The following ANXA11 variants were observed in gnomAD, a reference collection of about 807,000 sequenced individuals.
The protein encoded by ANXA11 is 56 kDa autoantigen.
In ANXA11, 57 loss-of-function variants were observed where a neutral mutation model predicts 64.7. The observed-to-expected ratio is 0.88, with a 90% CI of 0.71 to 1.10. The LOEUF is 1.10. Ranked by LOEUF, ANXA11 falls within the 50% of genes least tolerant of loss-of-function variation. The pLI is 0.00. For missense variants in ANXA11, 675 were observed against 670.7 expected, an observed-to-expected ratio of 1.01 and a Z score of -0.07; for synonymous variants, 260 against 265.2, an observed-to-expected ratio of 0.98 and a Z score of 0.19.
intron 15 of ANXA11, chr10:80,156,980 A>G (rs1845300900): frequency 1.0e-6 from 1 of 985,310 alleles, no homozygotes; most frequent in Admixed American, 6.1e-5. Context: ...GTTAGACCAC[A>G]CAGCTGAGAA....
intron 1 of ANXA11, among the ~76,000 whole-genome samples, chr10:80,177,560 A>G (rs1302105834): frequency 6.6e-6 from 1 of 152,112 alleles, no homozygotes; most frequent in Non-Finnish European, 1.5e-5. Flanking sequence ...TGGATGCAAT[A>G]AGCATGGCAT....
intron 1 of ANXA11, among the ~76,000 whole-genome samples, chr10:80,179,933 A>G (rs551898623): frequency 2.6e-5 from 4 of 152,268 alleles, no homozygotes; most frequent in South Asian, 4.1e-4. Flanking sequence ...ACATGGTGCC[A>G]TCCCTATTAA....
At chr10:80,182,500 C>G (rs896394646) in intron 1 of ANXA11, among the ~76,000 whole-genome samples, 1 of 152,032 alleles carries the variant, frequency 6.6e-6, no homozygotes, top group Non-Finnish European at 1.5e-5. Context: ...AATGTATATG[C>G]ATATGTGTTT....
chr10:80,179,202 C>T (rs1234327209), intron 1 of ANXA11, among the ~76,000 whole-genome samples: 2 of 152,092 alleles, frequency 1.3e-5, no homozygotes, highest in African/African-American at 2.4e-5. Context: ...GCCTCCTCCC[C>T]ACACCTCTCT....
chr10:80,179,858 G>A (rs932536611), intron 1 of ANXA11, among the ~76,000 whole-genome samples: 1 of 152,186 alleles, frequency 6.6e-6, no homozygotes, highest in Admixed American at 6.5e-5. Context: ...CGCCCCATAT[G>A]TAAGTCCCCT....
In ANXA11 at chr10:80,164,061, T is replaced by A; in HGVS notation, c.941A>T (p.Tyr314Phe). 6.2e-7 allele frequency: 1 copy of A among 1,613,976 alleles called. No individual in the cohort carries two copies. The highest frequency in any genetic ancestry group is 1.3e-5 in the African/African-American group (1 of 75,024). The change falls in exon 9 of 16, where the codon TAC becomes TTC. Residue 314 changes from tyrosine (Y) to phenylalanine (F), a missense_variant. Transcript: ENST00000422982. ...NEHIRELNRAYKAEFKKTLEE... is the reference protein window; with the variant it reads ...NEHIRELNRAFKAEFKKTLEE... Reference sequence around the variant, plus strand: ...AGAGGGAGCGGCCTCACCTGCTTTGTAGGCTCTGTTTAATTCTCGGATGTG... The same window carrying A: ...AGAGGGAGCGGCCTCACCTGCTTTGAAGGCTCTGTTTAATTCTCGGATGTG...
At chr10:80,175,823 G>C (rs1284834068) in intron 2 of ANXA11, among the ~76,000 whole-genome samples, 1 of 152,258 alleles carries the variant, frequency 6.6e-6, no homozygotes, top group African/African-American at 2.4e-5. Context: ...TTGGGAGGCC[G>C]AGGTGGGCAG....
At chr10:80,174,811 C>G (rs1405063106) in intron 2 of ANXA11, among the ~76,000 whole-genome samples, 1 of 152,214 alleles carries the variant, frequency 6.6e-6, no homozygotes, top group Admixed American at 6.5e-5. Flanking sequence ...CCCGCTGCGG[C>G]CTCCCACAGT....
At chr10:80,158,087 G>A in intron 13 of ANXA11, 62 bp from the exon 14 acceptor site, 1 of 1,524,486 alleles carries the variant, frequency 6.6e-7, no homozygotes, top group Non-Finnish European at 9.1e-7. Context: ...AGCAGGGCAT[G>A]GAGTCTACAA....
chr10:80,175,318 G>A (rs946600131), intron 2 of ANXA11, among the ~76,000 whole-genome samples: 2 of 152,284 alleles, frequency 1.3e-5, no homozygotes, highest in South Asian at 2.1e-4. Context: ...GAAGAGCCGG[G>A]ATGGTGTCTC....
intron 15 of ANXA11, 48 bp downstream of exon 15, chr10:80,157,593 G>T: frequency 6.3e-7 from 1 of 1,593,086 alleles, no homozygotes; most frequent in South Asian, 1.1e-5. Flanking sequence ...TTCCACAGGT[G>T]ACTGAGATGC....
chr10:80,165,047 C>T (rs1379528049), intron 8 of ANXA11, among the ~76,000 whole-genome samples: 1 of 152,218 alleles, frequency 6.6e-6, no homozygotes, highest in African/African-American at 2.4e-5. Flanking sequence ...TGGTTTCTAA[C>T]ACTCCACAAC....
chr10:80,153,666 T>C lies in ANXA11; in HGVS notation c.*2187A>G, dbSNP rs1845195739. ...GGGGCCTGCCCTAGCAGAGGAGTTC[T>C]TGGGAGAGCAGCAGGGATGGGGCTT... On this transcript the variant is annotated 3_prime_UTR_variant, in exon 16 of 16. Coordinates refer to ENST00000422982, the MANE Select transcript of ANXA11 (RefSeq NM_145868.2). 1 of 152,352 alleles carries C rather than the reference T, an allele frequency of 6.6e-6. No homozygotes were observed. Among genetic ancestry groups the C allele is most frequent in the African/African-American group, 2.4e-5 (1 of 41,476 alleles). The allele number at this position is 152,352 out of a possible 1,614,324, so 9.4% of individuals were successfully genotyped here. A position where few individuals can be genotyped will look rare whatever the true frequency, so the allele number is the denominator to read the frequency against.
At chr10:80,188,855 A>G (rs548303997) in intron 1 of ANXA11, among the ~76,000 whole-genome samples, 1 of 152,270 alleles carries the variant, frequency 6.6e-6, no homozygotes, top group African/African-American at 2.4e-5. Context: ...GGCACACACT[A>G]AACTCAGGTG....
chr10:80,177,161 G>A (rs1249949432), intron 1 of ANXA11, among the ~76,000 whole-genome samples: 1 of 152,020 alleles, frequency 6.6e-6, no homozygotes, highest in Non-Finnish European at 1.5e-5. Context: ...GCTGATTTTT[G>A]TATTTTTAGT....
intron 1 of ANXA11, among the ~76,000 whole-genome samples, chr10:80,187,550 C>A (rs917495538): frequency 2.1e-5 from 3 of 145,702 alleles, no homozygotes; most frequent in Non-Finnish European, 4.5e-5. Flanking sequence ...CGCGTGCACA[C>A]ACACACACAC....
chr10:80,167,199 G>A (rs767886191), intron 6 of ANXA11, 27 bp downstream of exon 6: 10 of 1,608,560 alleles, frequency 6.2e-6, no homozygotes, highest in Admixed American at 1.7e-5. Flanking sequence ...GCAGGGAGTA[G>A]GATTTGAGCC....
intron 1 of ANXA11, among the ~76,000 whole-genome samples, chr10:80,184,708 A>G (rs1361214447): frequency 6.6e-6 from 1 of 152,174 alleles, no homozygotes; most frequent in Non-Finnish European, 1.5e-5. Flanking sequence ...ATGAGCTTGG[A>G]ATGCTTGAGG....
chr10:80,178,543 C>A lies in ANXA11; in HGVS notation c.-57-2388G>T, dbSNP rs74449436. Among the ~76,000 whole-genome samples the A allele has an allele frequency of 7.7e-3, 1,170 of 152,358 alleles. 9 individuals are homozygous for A. Among genetic ancestry groups the A allele is most frequent in the African/African-American group, 0.027 (1,126 of 41,582 alleles). ...AGCACAAATACCGCCCTTCCTTCCT[C>A]ACTGCGACCATCCACCTGCAGCTGT... On this transcript the variant is annotated intron_variant, in intron 1 of 15. Transcript: ENST00000422982.
Sources: gnomAD v4.1 joint callset for allele counts (sites outside exome capture counted in the v4.1 genomes callset) on GRCh38, gnomAD v4.1.1 for gene constraint, MANE v1.5 for transcripts, NCBI Gene and HGNC (gene_info 2026-07-23, HGNC 2026-07-21) for gene names.